Variants in TRAPPC3 observed in about 807,000 individuals in gnomAD.
TRAPPC3 encodes trafficking protein particle complex subunit 3.
In TRAPPC3, 5 loss-of-function variants were observed where a neutral mutation model predicts 18.2. The observed-to-expected ratio is 0.28, with a 90% CI of 0.14 to 0.58. TRAPPC3 has a LOEUF of 0.58. Among genes scored for constraint, TRAPPC3 ranks in the 20% least tolerant of loss-of-function variants. TRAPPC3 has a pLI of 0.91. For missense variants in TRAPPC3, 176 were observed against 225.9 expected (o/e 0.78, Z 1.41); for synonymous variants, 65 against 84.2 (o/e 0.77, Z 1.25).
At chr1:36,143,118 C>T (rs1293569490) in intron 1 of TRAPPC3, among the ~76,000 whole-genome samples, 1 of 152,150 alleles carries the variant, frequency 6.6e-6, no homozygotes, top group Admixed American at 6.5e-5. Flanking sequence ...TCAACATTTA[C>T]TGTGTGCCAG....
chr1:36,154,075 G>A (rs1461445734), upstream of TRAPPC3, among the ~76,000 whole-genome samples: 1 of 152,164 alleles, frequency 6.6e-6, no homozygotes, highest in African/African-American at 2.4e-5. Context: ...CATGATCTTG[G>A]CTCACTGCAA....
intron 1 of TRAPPC3, among the ~76,000 whole-genome samples, chr1:36,146,299 TC>T (rs1321417043): frequency 5.9e-4 from 56 of 94,250 alleles, no homozygotes; most frequent in Admixed American, 2.3e-3. Flanking sequence ...GGATGGTCTC[TC>T]TTTTTTTTTT....
At chr1:36,138,026 G>C in intron 3 of TRAPPC3, 48 bp from the exon 4 acceptor site, 1 of 1,610,370 alleles carries the variant, frequency 6.2e-7, no homozygotes. Context: ...AGCAGGAACT[G>C]TACCACAGGG....
upstream of TRAPPC3, among the ~76,000 whole-genome samples, chr1:36,151,704 C>T (rs1471327904): frequency 6.6e-6 from 1 of 152,202 alleles, no homozygotes; most frequent in African/African-American, 2.4e-5. Context: ...ACCCTCCTTA[C>T]CACTTCTAGG....
chr1:36,151,020 A>C (rs2124179630), upstream of TRAPPC3, among the ~76,000 whole-genome samples: 1 of 152,314 alleles, frequency 6.6e-6, no homozygotes, highest in African/African-American at 2.4e-5. Flanking sequence ...CCTGCTGTCA[A>C]GCAGGGCGGT....
upstream of TRAPPC3, among the ~76,000 whole-genome samples, chr1:36,150,970 C>T (rs1318252076): frequency 1.3e-5 from 2 of 152,210 alleles, no homozygotes; most frequent in Non-Finnish European, 2.9e-5. Context: ...CCCACAGAAA[C>T]CTGAGTCACA....
chr1:36,150,137 A>G (rs1455411442), upstream of TRAPPC3, among the ~76,000 whole-genome samples: 1 of 152,128 alleles, frequency 6.6e-6, no homozygotes, highest in South Asian at 2.1e-4. Flanking sequence ...CCCAGAAAAC[A>G]AAGATCACTA....
chr1:36,138,260 T>A, intron 3 of TRAPPC3: 1 of 1,537,442 alleles, frequency 6.5e-7, no homozygotes, highest in African/African-American at 1.4e-5. Flanking sequence ...AAGCAACAAC[T>A]CACTCACTGT....
At chr1:36,147,832 A>G (rs1311752245) in intron 1 of TRAPPC3, among the ~76,000 whole-genome samples, 3 of 152,120 alleles carry the variant, frequency 2.0e-5, no homozygotes, top group Non-Finnish European at 4.4e-5. Context: ...CCCCTCCCTA[A>G]TTACCTTACT....
chr1:36,149,351 C>A lies in TRAPPC3; in HGVS notation c.28G>T (p.Glu10Ter), dbSNP rs1259740746. Residue 10 changes from glutamate to a stop codon, truncating the protein, a stop_gained, in exon 1 of 5, where the codon GAG becomes TAG. Coordinates refer to ENST00000373166, the MANE Select transcript of TRAPPC3 (RefSeq NM_014408.5). LOFTEE classifies it high-confidence loss of function. Reference sequence around the variant, plus strand: ...CTCCAAGTTACCATTTTCTTGCTCTCGGTGCCACGGTTCGCCTGCCTCGAC... The same window carrying A: ...CTCCAAGTTACCATTTTCTTGCTCTAGGTGCCACGGTTCGCCTGCCTCGAC... MSRQANRGT[E>*]SKKMSSELFT... is the part of the protein sequence containing the mutation. 6.2e-7 allele frequency: 1 copy of A among 1,613,346 alleles called. No individual in the cohort carries two copies. Among genetic ancestry groups the A allele is most frequent in the Non-Finnish European group, 8.5e-7 (1 of 1,179,796 alleles).
chr1:36,137,140 G>GAGCACAGAGGC lies in TRAPPC3; in HGVS notation c.*52_*62dup. The GAGCACAGAGGC allele has an allele frequency of 1.3e-6, 2 of 1,565,984 alleles. No individual in the cohort carries two copies. Among genetic ancestry groups the GAGCACAGAGGC allele is most frequent in the Non-Finnish European group, 1.7e-6 (2 of 1,143,296 alleles). On this transcript the variant is annotated 3_prime_UTR_variant, in exon 5 of 5. Transcript: ENST00000373166. ...GTCACTGAGTTCTGGAGGGCAGAGGGAGCACAGAGGCCTGCTGATTCCAAC... is the reference window on the plus strand; with the variant it reads ...GTCACTGAGTTCTGGAGGGCAGAGGGAGCACAGAGGCAGCACAGAGGCCTGCTGATTCCAAC...
chr1:36,143,918 G>C (rs1644153149), intron 1 of TRAPPC3, among the ~76,000 whole-genome samples: 1 of 152,176 alleles, frequency 6.6e-6, no homozygotes, highest in Non-Finnish European at 1.5e-5. Flanking sequence ...GATAATGTTT[G>C]TGGAGCACCT....
At chr1:36,150,525 A>G (rs1010650783), upstream of TRAPPC3, among the ~76,000 whole-genome samples, 1 of 152,096 alleles carries the variant, frequency 6.6e-6, no homozygotes, top group African/African-American at 2.4e-5. Context: ...TAGCAGCTGC[A>G]TTCTGGCCCC....
intron 1 of TRAPPC3, among the ~76,000 whole-genome samples, chr1:36,146,637 A>T (rs1644205598): frequency 6.6e-6 from 1 of 151,720 alleles, no homozygotes; most frequent in Non-Finnish European, 1.5e-5. Flanking sequence ...CTGATGCTAG[A>T]ACAATGAACA....
At chr1:36,141,131 C>T (rs2124149151) in intron 1 of TRAPPC3, 1 of 151,018 alleles carries the variant, frequency 6.6e-6, no homozygotes, top group Admixed American at 6.6e-5. Context: ...GCACTCCAGC[C>T]TGGGCGACAG....
intron 1 of TRAPPC3, among the ~76,000 whole-genome samples, chr1:36,155,200 G>GGC (rs1644307259): frequency 6.6e-6 from 1 of 152,184 alleles, no homozygotes; most frequent in African/African-American, 2.4e-5. Context: ...CTCCTCCCCC[G>GGC]CAACCCAAGT....
chr1:36,152,743 C>T (rs542803177), upstream of TRAPPC3, among the ~76,000 whole-genome samples: 6 of 152,120 alleles, frequency 3.9e-5, no homozygotes, highest in South Asian at 4.2e-4. Flanking sequence ...CTTGACCTTC[C>T]GGGCTCAAGT....
intron 1 of TRAPPC3, among the ~76,000 whole-genome samples, chr1:36,148,906 T>A (rs1570104842): frequency 1.3e-5 from 2 of 152,080 alleles, no homozygotes; most frequent in Admixed American, 6.6e-5. Flanking sequence ...TAAACACGGG[T>A]CCAAATCCTA....
At position 36,149,446 on chromosome 1, in the gene TRAPPC3, C is replaced by T. The variant is rs1269719335; in HGVS notation, c.-68G>A. 7.6e-6 allele frequency: 12 copies of T among 1,587,430 alleles called. No homozygotes were observed. In the South Asian group the frequency reaches 7.8e-5, roughly 10 times the overall value. Reference sequence around the variant, plus strand: ...TCGGCGACCCCTGCAGACGCCGGAGCCTAAGCCGCTGCCCCTCAGCCCACA... The same window carrying T: ...TCGGCGACCCCTGCAGACGCCGGAGTCTAAGCCGCTGCCCCTCAGCCCACA... On this transcript the variant is annotated 5_prime_UTR_variant, in exon 1 of 5. Coordinates refer to ENST00000373166, the MANE Select transcript of TRAPPC3 (RefSeq NM_014408.5).
Sources: gnomAD v4.1 joint callset for allele counts (sites outside exome capture counted in the v4.1 genomes callset) on GRCh38, gnomAD v4.1.1 for gene constraint, MANE v1.5 for transcripts, NCBI Gene and HGNC (gene_info 2026-07-23, HGNC 2026-07-21) for gene names.